Variants in EIF2AK4 observed in about 807,000 individuals in gnomAD.
EIF2AK4 encodes the protein eukaryotic translation initiation factor 2 alpha kinase 4.
EIF2AK4 carries 139 observed loss-of-function variants against 211.1 expected under a neutral mutation model. That is an observed-to-expected ratio of 0.66 (90% CI 0.57 to 0.76). The LOEUF is 0.76. Among genes scored for constraint, EIF2AK4 ranks in the 30% least tolerant of loss-of-function variants. EIF2AK4 has a pLI of 0.00. For synonymous variants in EIF2AK4, 710 were observed against 751.3 expected, an observed-to-expected ratio of 0.94 and a Z score of 0.90; for missense variants, 1,664 against 2,043.8, an observed-to-expected ratio of 0.81 and a Z score of 3.58.
At position 39,996,686 on chromosome 15, in the gene EIF2AK4, G is replaced by A. The variant is rs111854537; in HGVS notation, c.2767-278G>A. Among the ~76,000 whole-genome samples, 235 of 152,252 alleles carry A rather than the reference G, an allele frequency of 1.5e-3. 1 individual carries two copies. The highest frequency in any genetic ancestry group is 5.5e-3 in the African/African-American group (228 of 41,538). On this transcript the variant is annotated intron_variant, in intron 18 of 38. Transcript: ENST00000263791. ...AGACTGCACCACTGCACTTCAGCCT[G>A]GGTGACAGAGTGAGACTCTGCCTCA...
chr15:40,017,381 A>G (rs2035317073), intron 29 of EIF2AK4, 139 bp downstream of exon 29: 1 of 1,012,738 alleles, frequency 9.9e-7, no homozygotes, highest in Non-Finnish European at 1.4e-6. Flanking sequence ...TGTTTCATCT[A>G]GGAATAGAAA....
chr15:39,955,719 G>A lies in EIF2AK4; in HGVS notation c.694G>A (p.Asp232Asn), dbSNP rs1354501134. Reference sequence around the variant, plus strand: ...TGCCATTCTACATGGAGGCTCTCCTGACTTTGTAGGAAATGGTAAACATCG... The same window carrying A: ...TGCCATTCTACATGGAGGCTCTCCTAACTTTGTAGGAAATGGTAAACATCG... ...TAAILHGGSP[D>N]FVGNGKHRAN... The change falls in exon 6 of 39, where the codon GAC becomes AAC. Residue 232 changes from aspartate to asparagine, a missense_variant. By Grantham distance (23) the Asp-to-Asn change is conservative (BLOSUM62 1). Around this residue, in one of 7 missense-constraint regions of EIF2AK4, gnomAD observed 641 missense variants for 729.6 expected, o/e 0.88. Coordinates refer to ENST00000263791, the MANE Select transcript of EIF2AK4 (RefSeq NM_001013703.4). The A allele has an allele frequency of 3.1e-6, 5 of 1,612,574 alleles. No individual in the cohort carries two copies. In the African/African-American group the frequency reaches 6.7e-5, roughly 22 times the overall value.
rs766770679 is a variant in EIF2AK4, at chr15:40,002,772, C to T, written c.3219C>T (p.Arg1073=). The T allele has an allele frequency of 6.2e-7, 1 of 1,614,022 alleles. No individual in the cohort carries two copies. The highest frequency in any genetic ancestry group is 1.3e-5 in the African/African-American group (1 of 74,920). The change falls in exon 22 of 39, where the codon CGC becomes CGT. Residue 1073 remains arginine (R), a synonymous_variant. Transcript: ENST00000263791. ...MQQHVCETII[R]IFKRHGAVQL... ...AGCATGTGTGTGAAACCATCATCCG[C>T]ATCTTTAAAAGACATGGTATGTACG...
intron 7 of EIF2AK4, 139 bp downstream of exon 7, chr15:39,962,038 C>T (rs2140909897): frequency 3.4e-6 from 2 of 585,720 alleles, no homozygotes; most frequent in Non-Finnish European, 5.9e-6. Context: ...ATTCTGGCTC[C>T]CATCCTTAAT....
intron 1 of EIF2AK4, among the ~76,000 whole-genome samples, chr15:39,935,054 A>G (rs2034043989): frequency 6.6e-6 from 1 of 152,200 alleles, no homozygotes; most frequent in South Asian, 2.1e-4. Flanking sequence ...AGAAAAAAAA[A>G]ATTCGCAAAA....
intron 9 of EIF2AK4, among the ~76,000 whole-genome samples, chr15:39,968,346 T>C (rs939347055): frequency 2.0e-5 from 3 of 152,214 alleles, no homozygotes; most frequent in African/African-American, 7.2e-5. Flanking sequence ...ACTTCCTTAG[T>C]CTAGCCAGAG....
intron 21 of EIF2AK4, 122 bp from the exon 22 acceptor site, chr15:40,002,591 A>G: frequency 1.0e-6 from 1 of 991,860 alleles, no homozygotes; most frequent in South Asian, 1.4e-5. Context: ...TGGACTTGTC[A>G]AGACTTGTTT....
At chr15:39,978,706 G>A (rs1595405365) in intron 13 of EIF2AK4, among the ~76,000 whole-genome samples, 1 of 152,162 alleles carries the variant, frequency 6.6e-6, no homozygotes. Flanking sequence ...TAGCTGATAA[G>A]CTAAACAAAC....
chr15:39,946,466 T>C (rs2034228529), intron 3 of EIF2AK4: 2 of 658,954 alleles, frequency 3.0e-6, no homozygotes, highest in Admixed American at 2.2e-5. Context: ...TAACAGATGA[T>C]TAGTTGCCTC....
intron 18 of EIF2AK4, among the ~76,000 whole-genome samples, chr15:39,994,175 A>G (rs1165824119): frequency 6.6e-6 from 1 of 152,248 alleles, no homozygotes; most frequent in Non-Finnish European, 1.5e-5. Flanking sequence ...TTTCGAGTAG[A>G]TTGTTAGAGA....
chr15:40,032,535 C>T (rs2035557536), intron 36 of EIF2AK4, among the ~76,000 whole-genome samples: 1 of 152,214 alleles, frequency 6.6e-6, no homozygotes, highest in Admixed American at 6.5e-5. Flanking sequence ...AGCGTCAGAC[C>T]TTTCGGGTGT....
At chr15:39,998,444 C>T (rs2035050352) in intron 19 of EIF2AK4, among the ~76,000 whole-genome samples, 1 of 151,892 alleles carries the variant, frequency 6.6e-6, no homozygotes, top group South Asian at 2.1e-4. Flanking sequence ...CTGTTACTGC[C>T]TGAGCTAAAA....
chr15:40,021,788 T>G (rs2035390868), intron 31 of EIF2AK4: 1 of 152,364 alleles, frequency 6.6e-6, no homozygotes, highest in Admixed American at 6.5e-5. Context: ...TCGCCCACAC[T>G]AAAGGTGCCC....
At chr15:39,943,818 G>A (rs960342997) in intron 3 of EIF2AK4, among the ~76,000 whole-genome samples, 2 of 152,078 alleles carry the variant, frequency 1.3e-5, no homozygotes, top group African/African-American at 4.8e-5. Flanking sequence ...AACTGGGTGT[G>A]GTGGTGTATG....
chr15:39,973,636 C>G lies in EIF2AK4; in HGVS notation c.1705C>G (p.Arg569Gly). 1 of 1,613,976 alleles carries G rather than the reference C, an allele frequency of 6.2e-7. No homozygotes were observed. The highest frequency in any genetic ancestry group is 8.5e-7 in the Non-Finnish European group (1 of 1,179,942). ...TGTTGAGACTGTTATTCCTAGCAAC[C>G]GGCTACCCAGTGCTGCCTTCTTTAG... ...DYVETVIPSN[R>G]LPSAAFFSET... Residue 569 changes from arginine (R) to glycine (G), a missense_variant, in exon 11 of 39, where the codon CGG becomes GGG. This residue lies in a region of EIF2AK4 where 641 missense variants were observed against 729.6 expected (regional missense o/e 0.88). Coordinates refer to ENST00000263791, the MANE Select transcript of EIF2AK4 (RefSeq NM_001013703.4).
rs200122425 is a variant in EIF2AK4 at position 40,008,044 on chromosome 15, T to C, written c.3425T>C (p.Val1142Ala). Reference sequence around the variant, plus strand: ...CTCTCCAGATACTGCATAGAACGTGTGTTCAGGCCGCGCAAGTTAGATCGA... The same window carrying C: ...CTCTCCAGATACTGCATAGAACGTGCGTTCAGGCCGCGCAAGTTAGATCGA... ...LNLKRYCIERVFRPRKLDRFH... is the reference protein window; with the variant it reads ...LNLKRYCIERAFRPRKLDRFH... Residue 1142 changes from valine (V) to alanine (A), a missense_variant, in exon 25 of 39, where the codon GTG becomes GCG. Val to Ala is a moderately conservative substitution (Grantham distance 64). Around this residue, in one of 7 missense-constraint regions of EIF2AK4, gnomAD observed 622 missense variants for 796.8 expected, o/e 0.78. Coordinates refer to ENST00000263791, the MANE Select transcript of EIF2AK4 (RefSeq NM_001013703.4). The C allele has an allele frequency of 6.2e-7, 1 of 1,601,898 alleles. No homozygotes were observed. The highest frequency in any genetic ancestry group is 1.7e-5 in the Admixed American group (1 of 57,710).
chr15:39,995,441 T>C (rs979981906), intron 18 of EIF2AK4, among the ~76,000 whole-genome samples: 4 of 150,956 alleles, frequency 2.6e-5, no homozygotes, highest in Non-Finnish European at 5.9e-5. Context: ...TCTGTGCCCC[T>C]GACCATGTGC....
At chr15:40,007,111 T>C (rs769425335) in intron 24 of EIF2AK4, 46 bp downstream of exon 24, 6 of 1,443,230 alleles carry the variant, frequency 4.2e-6, no homozygotes, top group East Asian at 2.3e-5. Flanking sequence ...AGGAAAATAG[T>C]TGAATAATTT....
intron 35 of EIF2AK4, among the ~76,000 whole-genome samples, chr15:40,030,972 G>C (rs1440587963): frequency 1.3e-5 from 2 of 152,196 alleles, no homozygotes; most frequent in Non-Finnish European, 2.9e-5. Context: ...AGGTGCGGTG[G>C]CTTATGCCTG....
Sources: gnomAD v4.1 joint callset for allele counts (sites outside exome capture counted in the v4.1 genomes callset) on GRCh38, gnomAD v4.1.1 for gene constraint, gnomAD v4.1.1 regional missense constraint, MANE v1.5 for transcripts, NCBI Gene and HGNC (gene_info 2026-07-23, HGNC 2026-07-21) for gene names.